The following DIP2C variants were observed in gnomAD, a reference collection of about 807,000 sequenced individuals.
DIP2C encodes the protein disco-interacting protein 2 homolog C.
Under a neutral mutation model 192.4 loss-of-function variants are expected in DIP2C, and 33 were observed. The ratio of observed to expected loss-of-function variants is 0.17; its 90% CI spans 0.13 to 0.23. DIP2C has a LOEUF of 0.23. Ranked by LOEUF, DIP2C falls within the 10% of genes least tolerant of loss-of-function variation. The pLI, the probability that DIP2C is intolerant of heterozygous loss-of-function variation, is 1.00. For synonymous variants in DIP2C, 979 were observed against 864.1 expected (o/e 1.13, Z -2.33); for missense variants, 1,537 against 2,110.1 (o/e 0.73, Z 5.32).
chr10:418,051 T>C (rs1292306120), intron 6 of DIP2C, among the ~76,000 whole-genome samples: 139 of 11,688 alleles, frequency 0.012, 27 homozygotes, highest in Non-Finnish European at 0.016. Flanking sequence ...TGTCAGGGCT[T>C]CGATAGGCCT....
intron 1 of DIP2C, among the ~76,000 whole-genome samples, chr10:624,078 CCT>C (rs1372590360): frequency 2.6e-5 from 4 of 152,350 alleles, no homozygotes; most frequent in Non-Finnish European, 5.9e-5. Flanking sequence ...GCCCTGAGCC[CCT>C]GAGTGCGAGG....
intron 9 of DIP2C, among the ~76,000 whole-genome samples, 191 bp downstream of exon 9, chr10:408,735 T>A (rs1295459749): frequency 6.6e-6 from 1 of 152,210 alleles, no homozygotes; most frequent in African/African-American, 2.4e-5. Context: ...CTGCTCAGGA[T>A]GTAATGTTAG....
At chr10:423,567 G>A (rs1589762236) in intron 4 of DIP2C, among the ~76,000 whole-genome samples, 2 of 152,144 alleles carry the variant, frequency 1.3e-5, no homozygotes, top group African/African-American at 2.4e-5. Context: ...TTCTATGTCA[G>A]TGTGTTAGAT....
chr10:565,123 T>C (rs1174863721), intron 1 of DIP2C, among the ~76,000 whole-genome samples: 1 of 152,094 alleles, frequency 6.6e-6, no homozygotes, highest in Non-Finnish European at 1.5e-5. Flanking sequence ...AAGCTTTCCA[T>C]GGAGCCTGGA....
chr10:670,285 T>C (rs1830561442), intron 1 of DIP2C, among the ~76,000 whole-genome samples: 1 of 151,948 alleles, frequency 6.6e-6, no homozygotes, highest in South Asian at 2.1e-4. Flanking sequence ...TATACACACG[T>C]ACACATGCAC....
intron 1 of DIP2C, among the ~76,000 whole-genome samples, chr10:528,402 G>A (rs180759659): frequency 8.0e-4 from 87 of 108,966 alleles, no homozygotes; most frequent in African/African-American, 4.2e-3. Context: ...AACGCAGACC[G>A]CCCACTGCTC....
chr10:344,029 C>A (rs4242753), intron 28 of DIP2C, among the ~76,000 whole-genome samples: 27 of 152,106 alleles, frequency 1.8e-4, no homozygotes, highest in Admixed American at 2.0e-4. Context: ...ATTGACACCA[C>A]TTAAAGAAAA....
chr10:567,948 G>A (rs76308284), intron 1 of DIP2C, among the ~76,000 whole-genome samples: 1,599 of 152,308 alleles, frequency 0.01, 30 homozygotes, highest in African/African-American at 0.036. Context: ...TTTGATAGAG[G>A]CTGAGGGGAG....
At chr10:415,984 C>A in intron 6 of DIP2C, 96 bp from the exon 7 acceptor site, 1 of 1,563,886 alleles carries the variant, frequency 6.4e-7, no homozygotes, top group East Asian at 2.3e-5. Context: ...CCCAGCGCGG[C>A]TACAACAGGC....
chr10:415,921 GATC>G, intron 6 of DIP2C, 33 bp from the exon 7 acceptor site: 1 of 1,612,994 alleles, frequency 6.2e-7, no homozygotes, highest in Non-Finnish European at 8.5e-7. Context: ...TGGGGAAAGC[GATC>G]ATCACAGCTT....
chr10:684,721 C>T lies in DIP2C; in HGVS notation c.85+4773G>A, dbSNP rs529004521. On this transcript the variant is annotated intron_variant, in intron 1 of 36. Transcript: ENST00000280886. ...CCAAGTGTCCTGAAAAAGCCACCCC[C>T]AAAACCTACAAACCTCCCACTGGGC... 2.0e-3 allele frequency among the ~76,000 whole-genome samples: 297 copies of T among 152,252 alleles called. 2 individuals are homozygous for T. The highest frequency in any genetic ancestry group is 6.8e-3 in the African/African-American group (283 of 41,546).
At chr10:297,710 T>C (rs1777908849) in intron 32 of DIP2C, among the ~76,000 whole-genome samples, 2 of 152,122 alleles carry the variant, frequency 1.3e-5, no homozygotes, top group South Asian at 4.1e-4. Flanking sequence ...GGAAACAAAA[T>C]CACAGCTGGC....
chr10:553,230 G>A (rs1411195756), intron 1 of DIP2C, among the ~76,000 whole-genome samples: 1 of 152,222 alleles, frequency 6.6e-6, no homozygotes, highest in Non-Finnish European at 1.5e-5. Flanking sequence ...CTGGCTTGCT[G>A]TGCAAGCCCA....
intron 32 of DIP2C, among the ~76,000 whole-genome samples, chr10:303,606 C>G (rs1341680254): frequency 6.6e-6 from 1 of 152,034 alleles, no homozygotes; most frequent in Non-Finnish European, 1.5e-5. Flanking sequence ...TCACCACAAC[C>G]TCTGCTTCCC....
In DIP2C at chr10:582,889, C is replaced by G. The variant is rs192613520; in HGVS notation, c.86-96359G>C. Reference sequence around the variant, plus strand: ...AAGTTCCTATGATATAGTCTCAAAACAATAGAAGGAAGGTACCATTTTCAA... The same window carrying G: ...AAGTTCCTATGATATAGTCTCAAAAGAATAGAAGGAAGGTACCATTTTCAA... On this transcript the variant is annotated intron_variant, in intron 1 of 36. Coordinates refer to ENST00000280886, the MANE Select transcript of DIP2C (RefSeq NM_014974.3). Among the ~76,000 whole-genome samples the G allele has an allele frequency of 2.6e-5, 4 of 152,242 alleles. No individual in the cohort carries two copies. In the East Asian group the frequency reaches 7.7e-4, roughly 29 times the overall value.
intron 1 of DIP2C, among the ~76,000 whole-genome samples, chr10:622,540 G>T (rs1853935891): frequency 6.6e-6 from 1 of 152,152 alleles, no homozygotes. Flanking sequence ...TGAGGACAGG[G>T]CTGTAATTGG....
At chr10:618,258 CTAAG>C (rs1299432905) in intron 1 of DIP2C, among the ~76,000 whole-genome samples, 1 of 152,210 alleles carries the variant, frequency 6.6e-6, no homozygotes, top group Non-Finnish European at 1.5e-5. Context: ...ACAAGAATCT[CTAAG>C]AAACAGGTTT....
chr10:301,903 A>G (rs1452554088), intron 32 of DIP2C, among the ~76,000 whole-genome samples: 1 of 152,126 alleles, frequency 6.6e-6, no homozygotes, highest in African/African-American at 2.4e-5. Context: ...TCCAAATACC[A>G]CAAGTGACAT....
chr10:494,102 C>G lies in DIP2C; in HGVS notation c.86-7572G>C, dbSNP rs924287762. 2.6e-5 allele frequency among the ~76,000 whole-genome samples: 4 copies of G among 152,220 alleles called. No individual in the cohort carries two copies. In the East Asian group the frequency reaches 7.7e-4, roughly 29 times the overall value. ...GTGGCAGAGTGGTCTATCCCGAGTG[C>G]TGGGCCACAGGGGATGGTCATGAAC... On this transcript the variant is annotated intron_variant, in intron 1 of 36. Coordinates refer to ENST00000280886, the MANE Select transcript of DIP2C (RefSeq NM_014974.3).
Sources: allele counts gnomAD v4.1 joint callset (sites outside exome capture counted in the v4.1 genomes callset), GRCh38; gene constraint gnomAD v4.1.1; transcripts MANE v1.5; gene names NCBI Gene and HGNC (gene_info 2026-07-23, HGNC 2026-07-21).